UMAD1: variants seen among roughly 807,000 people sequenced by gnomAD.
UMAD1 encodes the protein UBAP1-MVB12-associated (UMA) domain containing 1.
In UMAD1, 8 loss-of-function variants were observed where a neutral mutation model predicts 6.1. The observed-to-expected ratio is 1.30, with a 90% CI of 0.76 to 2.35. UMAD1 has a LOEUF of 2.35. Ranked by LOEUF, UMAD1 falls within the 30% of genes most tolerant of loss-of-function variation. The pLI is 0.00. For missense variants in UMAD1, 130 were observed against 78.4 expected (o/e 1.66, Z -2.49); for synonymous variants, 56 against 31.4 (o/e 1.78, Z -2.61).
At chr7:7,657,402 A>C (rs891418970) in intron 1 of UMAD1, among the ~76,000 whole-genome samples, 2 of 152,150 alleles carry the variant, frequency 1.3e-5, no homozygotes, top group Non-Finnish European at 2.9e-5. Context: ...CTATGTCCTG[A>C]ATGGTATTGC....
In UMAD1 at chr7:7,839,606, T is replaced by C. The variant is rs540065911; in HGVS notation, c.157-37675T>C. On this transcript the variant is annotated intron_variant, in intron 3 of 3. Coordinates refer to ENST00000682710, the MANE Select transcript of UMAD1 (RefSeq NM_001302348.2). ...TTTGTAAATAGGACTTACAATAGCA[T>C]GTTCGAATGCTAATAGGAATGATCC... Among the ~76,000 whole-genome samples, 4 of 152,262 alleles carry C rather than the reference T, an allele frequency of 2.6e-5. No individual in the cohort carries two copies. The East Asian group carries it at 7.7e-4, about 29-fold the overall frequency.
intron 2 of UMAD1, among the ~76,000 whole-genome samples, chr7:7,698,940 G>A (rs971036574): frequency 6.8e-6 from 1 of 146,114 alleles, no homozygotes; most frequent in Admixed American, 7.0e-5. Context: ...CTGAAGTCTC[G>A]ACTTCCCTGG....
At chr7:7,643,834 C>A (rs1456467578) in intron 1 of UMAD1, among the ~76,000 whole-genome samples, 1 of 151,982 alleles carries the variant, frequency 6.6e-6, no homozygotes, top group Non-Finnish European at 1.5e-5. Flanking sequence ...TCCTTTCTTC[C>A]TGTTTTAAGG....
At chr7:7,649,768 G>A (rs1785183729) in intron 1 of UMAD1, among the ~76,000 whole-genome samples, 2 of 151,948 alleles carry the variant, frequency 1.3e-5, no homozygotes, top group South Asian at 4.2e-4. Context: ...TTCATATGCT[G>A]AAATCCTAAC....
At chr7:7,751,310 A>C (rs1298330227) in intron 2 of UMAD1, among the ~76,000 whole-genome samples, 3 of 152,210 alleles carry the variant, frequency 2.0e-5, no homozygotes, top group Non-Finnish European at 4.4e-5. Flanking sequence ...TGGTATGTTA[A>C]AATAGGGCTA....
rs1381952994 is a variant in UMAD1, at chr7:7,642,174, A to G, written c.-64+1353A>G. On this transcript the variant is annotated intron_variant, in intron 1 of 3. Transcript: ENST00000682710. ...TTTTGAGGCAAGATCTCTCTCTGTCACCCAGACTGGAGTGCAGTAGCATGC... is the reference window on the plus strand; with the variant it reads ...TTTTGAGGCAAGATCTCTCTCTGTCGCCCAGACTGGAGTGCAGTAGCATGC... Among the ~76,000 whole-genome samples, 3 of 152,234 alleles carry G rather than the reference A, an allele frequency of 2.0e-5. No homozygotes were observed. In the East Asian group the frequency reaches 5.8e-4, roughly 29 times the overall value.
chr7:7,668,564 A>T lies in UMAD1; in HGVS notation c.-63-4745A>T, dbSNP rs541782860. Among the ~76,000 whole-genome samples, 25 of 152,270 alleles carry T rather than the reference A, an allele frequency of 1.6e-4. 1 individual carries two copies. Among genetic ancestry groups the T allele is most frequent in the Admixed American group, 1.4e-3 (22 of 15,296 alleles). On this transcript the variant is annotated intron_variant, in intron 1 of 3. Coordinates refer to ENST00000682710, the MANE Select transcript of UMAD1 (RefSeq NM_001302348.2). ...AGTAAGTTCTCACTTAGCATCATGG[A>T]TGGGTTCTTAGAAACTGACTTTAAG...
At chr7:7,867,494 T>C (rs1398332951) in intron 3 of UMAD1, among the ~76,000 whole-genome samples, 3 of 152,044 alleles carry the variant, frequency 2.0e-5, no homozygotes, top group East Asian at 1.9e-4. Flanking sequence ...AACTAACAAG[T>C]GTACCGAAGC....
chr7:7,765,800 C>T (rs1781972657), intron 2 of UMAD1, among the ~76,000 whole-genome samples: 1 of 152,110 alleles, frequency 6.6e-6, no homozygotes, highest in African/African-American at 2.4e-5. Context: ...AACTGGGATT[C>T]CTACAGGCTT....
chr7:7,664,994 G>GAT (rs1220086474), intron 1 of UMAD1, among the ~76,000 whole-genome samples: 1 of 140,760 alleles, frequency 7.1e-6, no homozygotes, highest in Non-Finnish European at 1.6e-5. Flanking sequence ...GTGTGTGGGT[G>GAT]ATATATAGAT....
chr7:7,799,690 C>T (rs73356232), intron 2 of UMAD1, among the ~76,000 whole-genome samples: 3,629 of 152,272 alleles, frequency 0.024, 150 homozygotes, highest in African/African-American at 0.083. Flanking sequence ...TCACCTTGTC[C>T]ACTCAGGTTC....
chr7:7,705,732 A>G (rs1297019482), intron 2 of UMAD1, among the ~76,000 whole-genome samples: 6 of 152,214 alleles, frequency 3.9e-5, no homozygotes, highest in Non-Finnish European at 8.8e-5. Flanking sequence ...GTCATTATAA[A>G]TTTGTCCAAA....
chr7:7,817,844 C>G (rs1369606151), intron 3 of UMAD1, among the ~76,000 whole-genome samples: 1 of 152,092 alleles, frequency 6.6e-6, no homozygotes, highest in African/African-American at 2.4e-5. Context: ...GACAAGGTCT[C>G]ACTCTGTCAC....
intron 3 of UMAD1, among the ~76,000 whole-genome samples, chr7:7,809,047 C>CT (rs1445612499): frequency 6.6e-6 from 1 of 151,880 alleles, no homozygotes; most frequent in Non-Finnish European, 1.5e-5. Flanking sequence ...ATATAAATTT[C>CT]TTAATGAAGA....
intron 2 of UMAD1, among the ~76,000 whole-genome samples, chr7:7,675,684 A>G (rs188784827): frequency 1.2e-3 from 180 of 152,312 alleles, no homozygotes; most frequent in South Asian, 3.5e-3. Flanking sequence ...TTTTCCCAGG[A>G]CCATCTTGGA....
Position 7,809,209 on chromosome 7 carries a change from T to G in UMAD1, c.156+7466T>G, listed in dbSNP as rs78441360. Among the ~76,000 whole-genome samples the G allele has an allele frequency of 2.5e-3, 375 of 152,112 alleles. 11 individuals are homozygous for G. The East Asian group carries it at 0.059, about 24-fold the overall frequency. On this transcript the variant is annotated intron_variant, in intron 3 of 3. Transcript: ENST00000682710. ...TAGGTAAAGGAAGGATTTAAGGGACTTTGTTTATTCAGGTAATTTCAAACA... is the reference window on the plus strand; with the variant it reads ...TAGGTAAAGGAAGGATTTAAGGGACGTTGTTTATTCAGGTAATTTCAAACA...
In UMAD1 at chr7:7,670,779, A is replaced by G. The variant is rs28915998; in HGVS notation, c.-63-2530A>G. Among the ~76,000 whole-genome samples the G allele has an allele frequency of 3.7e-4, 57 of 152,290 alleles. No individual in the cohort carries two copies. The East Asian group carries it at 7.3e-3, about 20-fold the overall frequency. On this transcript the variant is annotated intron_variant, in intron 1 of 3. Coordinates refer to ENST00000682710, the MANE Select transcript of UMAD1 (RefSeq NM_001302348.2). Reference sequence around the variant, plus strand: ...GGAACTGGTAAGCATAATTGCCAAAACCACTCCCATTTACAAAGGCGAACA... The same window carrying G: ...GGAACTGGTAAGCATAATTGCCAAAGCCACTCCCATTTACAAAGGCGAACA...
intron 2 of UMAD1, among the ~76,000 whole-genome samples, chr7:7,743,191 A>G (rs1210173403): frequency 6.6e-6 from 1 of 152,208 alleles, no homozygotes; most frequent in Non-Finnish European, 1.5e-5. Flanking sequence ...ATTTATATAC[A>G]TTTACATACT....
chr7:7,877,364 A>G lies in UMAD1; in HGVS notation c.240A>G (p.Ser80=). 1.4e-6 allele frequency: 1 copy of G among 717,548 alleles called. No homozygotes were observed. The highest frequency in any genetic ancestry group is 2.6e-6 in the Non-Finnish European group (1 of 385,092). 44.4% of individuals were successfully genotyped at this position (717,548 alleles called of 1,614,324 possible). ...CAGGCCAGACTCTGGAGAACAGCTCATTAATGGCCGAGCTCCTGAGCGATG... is the reference window on the plus strand; with the variant it reads ...CAGGCCAGACTCTGGAGAACAGCTCGTTAATGGCCGAGCTCCTGAGCGATG... ...NKAGQTLENS[S]LMAELLSDVP... is the part of the protein sequence containing the mutation. The change falls in exon 4 of 4, where the codon TCA becomes TCG. Residue 80 remains serine (S), a synonymous_variant. Transcript: ENST00000682710.
Sources: allele counts gnomAD v4.1 joint callset (sites outside exome capture counted in the v4.1 genomes callset), GRCh38; gene constraint gnomAD v4.1.1; transcripts MANE v1.5; gene names NCBI Gene and HGNC (gene_info 2026-07-23, HGNC 2026-07-21).